ADCY8: variants seen among roughly 807,000 people sequenced by gnomAD.
ADCY8 encodes adenylate cyclase 8, also known as adenylate cyclase type 8.
A neutral mutation model predicts 119.7 loss-of-function variants in ADCY8; 51 were observed. The ratio of observed to expected loss-of-function variants is 0.43; its 90% CI spans 0.34 to 0.54. ADCY8 has a LOEUF of 0.54. Among genes scored for constraint, ADCY8 ranks in the 20% least tolerant of loss-of-function variants. The probability of loss-of-function intolerance (pLI) is 0.03; values close to 1 mark genes in which losing one functional copy is unlikely to be tolerated. For synonymous variants in ADCY8, 665 were observed against 651.0 expected, an observed-to-expected ratio of 1.02 and a Z score of -0.33; for missense variants, 1,383 against 1,598.8, an observed-to-expected ratio of 0.87 and a Z score of 2.30.
At chr8:130,902,770 A>C (rs1169334381) in intron 7 of ADCY8, among the ~76,000 whole-genome samples, 3 of 152,078 alleles carry the variant, frequency 2.0e-5, no homozygotes, top group African/African-American at 7.2e-5. Context: ...AACTCCAGAC[A>C]CTATTGGCTG....
chr8:130,798,938 G>A (rs1815677394), intron 15 of ADCY8, among the ~76,000 whole-genome samples: 1 of 151,940 alleles, frequency 6.6e-6, no homozygotes, highest in African/African-American at 2.4e-5. Context: ...CACACACACA[G>A]TGGAATACTA....
chr8:130,885,669 A>AC (rs2130465974), intron 7 of ADCY8, among the ~76,000 whole-genome samples: 1 of 151,760 alleles, frequency 6.6e-6, no homozygotes, highest in East Asian at 1.9e-4. Flanking sequence ...AAAACAAAAA[A>AC]AAAAGTGTGA....
chr8:130,888,564 A>T (rs1260645499), intron 7 of ADCY8, among the ~76,000 whole-genome samples: 1 of 152,070 alleles, frequency 6.6e-6, no homozygotes, highest in Non-Finnish European at 1.5e-5. Context: ...ATTTCCATAA[A>T]TGTTTCCTCC....
At chr8:131,022,350 C>G (rs1192142255) in intron 1 of ADCY8, among the ~76,000 whole-genome samples, 2 of 152,158 alleles carry the variant, frequency 1.3e-5, no homozygotes, top group African/African-American at 2.4e-5. Flanking sequence ...TCAACTCCCA[C>G]TTATGAATGA....
chr8:130,785,257 C>T, intron 16 of ADCY8, 126 bp downstream of exon 16: 1 of 584,628 alleles, frequency 1.7e-6, no homozygotes, highest in South Asian at 2.8e-5. Flanking sequence ...TATTATAATC[C>T]AGTCCATTAG....
chr8:130,823,315 T>C (rs1369770112), intron 12 of ADCY8, among the ~76,000 whole-genome samples: 1 of 152,204 alleles, frequency 6.6e-6, no homozygotes, highest in East Asian at 1.9e-4. Context: ...CTGCAGAATA[T>C]GCACAGTAAG....
chr8:130,894,641 A>G (rs547213491), intron 7 of ADCY8, among the ~76,000 whole-genome samples: 1 of 152,156 alleles, frequency 6.6e-6, no homozygotes. Flanking sequence ...TTCCATCCAT[A>G]CTGTATGCTT....
chr8:130,821,313 A>G (rs746395435), intron 13 of ADCY8, 29 bp downstream of exon 13: 10 of 1,591,792 alleles, frequency 6.3e-6, no homozygotes, highest in East Asian at 4.5e-5. Context: ...GTCAGGTAAC[A>G]GAGCAGTCAG....
intron 1 of ADCY8, among the ~76,000 whole-genome samples, chr8:131,006,199 A>G (rs1222727763): frequency 1.3e-5 from 2 of 152,130 alleles, no homozygotes. Flanking sequence ...ACTGCTCTAT[A>G]GCTCCTGTCA....
Position 130,991,802 on chromosome 8 carries a change from C to T in ADCY8, c.961-1260G>A, listed in dbSNP as rs888496754. On this transcript the variant is annotated intron_variant, in intron 1 of 17. Transcript: ENST00000286355. ...TCAGCAGGTCGAGATTATAATAGTT[C>T]TTACAACTTTGCTCAGTGACATTCT... Among the ~76,000 whole-genome samples, 3 of 152,120 alleles carry T rather than the reference C, an allele frequency of 2.0e-5. No homozygotes were observed. The South Asian group carries it at 6.2e-4, about 32-fold the overall frequency.
intron 4 of ADCY8, among the ~76,000 whole-genome samples, chr8:130,938,379 T>C (rs575908152): frequency 1.3e-5 from 2 of 152,284 alleles, no homozygotes; most frequent in Admixed American, 6.5e-5. Flanking sequence ...CCTTCACATA[T>C]CTGTTTTTCA....
chr8:131,036,693 T>C (rs1824166221), intron 1 of ADCY8, among the ~76,000 whole-genome samples: 1 of 152,174 alleles, frequency 6.6e-6, no homozygotes, highest in African/African-American at 2.4e-5. Context: ...TTTGAGAGTC[T>C]GGAACAATGA....
chr8:130,934,170 G>C (rs1820716769), intron 5 of ADCY8, among the ~76,000 whole-genome samples: 1 of 152,200 alleles, frequency 6.6e-6, no homozygotes, highest in Non-Finnish European at 1.5e-5. Context: ...CTGATCTTCT[G>C]GGTGTCAGTC....
intron 12 of ADCY8, 53 bp from the exon 13 acceptor site, chr8:130,821,473 A>G (rs545213357): frequency 2.5e-5 from 35 of 1,396,540 alleles, no homozygotes; most frequent in African/African-American, 2.3e-4. Flanking sequence ...AAGGAGACCT[A>G]TGAGAAAACT....
chr8:130,836,758 G>C (rs1300568466), intron 11 of ADCY8, among the ~76,000 whole-genome samples: 1 of 151,990 alleles, frequency 6.6e-6, no homozygotes, highest in African/African-American at 2.4e-5. Flanking sequence ...GTTTGAGATG[G>C]GGTCTCATTC....
At chr8:130,851,675 G>T (rs899176532) in intron 9 of ADCY8, among the ~76,000 whole-genome samples, 1 of 152,176 alleles carries the variant, frequency 6.6e-6, no homozygotes, top group African/African-American at 2.4e-5. Context: ...TATGATAATT[G>T]GGGGGTGCAG....
chr8:130,960,814 G>A (rs1324105426), intron 2 of ADCY8, among the ~76,000 whole-genome samples: 1 of 152,140 alleles, frequency 6.6e-6, no homozygotes, highest in Non-Finnish European at 1.5e-5. Context: ...TGGGAAGACT[G>A]TGGTGATCAT....
rs1815222243 is a variant in ADCY8 at position 130,785,486 on chromosome 8, G to T, written c.3061-11C>A. The T allele has an allele frequency of 1.2e-6, 2 of 1,601,320 alleles. No homozygotes were observed. Among genetic ancestry groups the T allele is most frequent in the South Asian group, 1.1e-5 (1 of 89,160 alleles). ...GTCTTCACCAAGCAACTGAAAGAGA[G>T]CCAGGCAATGGTGTTAGCCCTGGTG... On this transcript the variant is annotated splice_polypyrimidine_tract_variant and intron_variant, in intron 15 of 17. Transcript: ENST00000286355.
chr8:130,917,186 C>G (rs1820154935), intron 5 of ADCY8, among the ~76,000 whole-genome samples: 1 of 152,166 alleles, frequency 6.6e-6, no homozygotes, highest in Admixed American at 6.5e-5. Flanking sequence ...CCTTAATAAC[C>G]TCATTTCATC....
Sources: allele counts gnomAD v4.1 joint callset (sites outside exome capture counted in the v4.1 genomes callset), GRCh38; gene constraint gnomAD v4.1.1; transcripts MANE v1.5; gene names NCBI Gene and HGNC (gene_info 2026-07-23, HGNC 2026-07-21).